NHSL1: variants seen among roughly 807,000 people sequenced by gnomAD.
NHSL1 encodes the protein NHS like 1, also known as NHS-like protein 1.
In NHSL1, 48 loss-of-function variants were observed where a neutral mutation model predicts 95.0. The ratio of observed to expected loss-of-function variants is 0.51; its 90% CI spans 0.40 to 0.64. The LOEUF is 0.64. Among genes scored for constraint, NHSL1 ranks in the 30% least tolerant of loss-of-function variants. The probability of loss-of-function intolerance (pLI) is 0.00; values close to 1 mark genes in which losing one functional copy is unlikely to be tolerated. For synonymous variants in NHSL1, 783 were observed against 833.9 expected, an observed-to-expected ratio of 0.94 and a Z score of 1.05; for missense variants, 1,971 against 2,077.7, an observed-to-expected ratio of 0.95 and a Z score of 1.00.
intron 1 of NHSL1, among the ~76,000 whole-genome samples, chr6:138,668,918 G>C (rs905693251): frequency 6.6e-6 from 1 of 152,080 alleles, no homozygotes; most frequent in Non-Finnish European, 1.5e-5. Context: ...CACCGTACCC[G>C]GCCCTAGAAA....
chr6:138,641,095 G>C (rs944952059), intron 1 of NHSL1, among the ~76,000 whole-genome samples: 1 of 152,286 alleles, frequency 6.6e-6, no homozygotes, highest in African/African-American at 2.4e-5. Flanking sequence ...GGCAGATCAC[G>C]AGTTTAAGAC....
At chr6:138,454,660 T>C (rs1452163045) in intron 3 of NHSL1, among the ~76,000 whole-genome samples, 4 of 152,244 alleles carry the variant, frequency 2.6e-5, no homozygotes, top group East Asian at 1.9e-4. Flanking sequence ...TAAATATGTA[T>C]AGATTATTTT....
intron 1 of NHSL1, among the ~76,000 whole-genome samples, chr6:138,553,545 C>T (rs905142415): frequency 1.3e-5 from 2 of 152,162 alleles, no homozygotes; most frequent in African/African-American, 4.8e-5. Context: ...ATGTTTGTTG[C>T]ACAGATATGT....
chr6:138,436,688 T>C (rs1776122137), intron 5 of NHSL1, among the ~76,000 whole-genome samples: 1 of 152,252 alleles, frequency 6.6e-6, no homozygotes. Context: ...TCTAGGACTT[T>C]CAAAGCTACA....
At position 138,559,871 on chromosome 6, in the gene NHSL1, T is replaced by C. The variant is rs144962359; in HGVS notation, c.202+11839A>G. ...TAAATCATTCCACAAAGCTATTCCA[T>C]GTACGCATGCCATGCATATATGCCA... On this transcript the variant is annotated intron_variant, in intron 1 of 6. Transcript: ENST00000427025. 5.2e-4 allele frequency among the ~76,000 whole-genome samples: 79 copies of C among 152,346 alleles called. 1 individual carries two copies. Among genetic ancestry groups the C allele is most frequent in the African/African-American group, 1.8e-3 (76 of 41,584 alleles).
At chr6:138,563,577 C>T (rs933347880) in intron 1 of NHSL1, among the ~76,000 whole-genome samples, 1 of 152,078 alleles carries the variant, frequency 6.6e-6, no homozygotes, top group African/African-American at 2.4e-5. Context: ...TACAATAGAT[C>T]GAATTTGTAG....
At chr6:138,675,849 A>T (rs1010069124) in intron 1 of NHSL1, among the ~76,000 whole-genome samples, 6 of 152,170 alleles carry the variant, frequency 3.9e-5, no homozygotes, top group African/African-American at 1.4e-4. Flanking sequence ...TTCTTACATG[A>T]TTATATCTCA....
At chr6:138,517,336 G>A (rs1257339260) in intron 1 of NHSL1, among the ~76,000 whole-genome samples, 1 of 152,162 alleles carries the variant, frequency 6.6e-6, no homozygotes, top group Non-Finnish European at 1.5e-5. Flanking sequence ...AGTAGGGTTT[G>A]CAGAAACTGG....
At position 138,447,105 on chromosome 6, in the gene NHSL1, G is replaced by A. The variant is rs1776912747; in HGVS notation, c.428C>T (p.Thr143Ile). The A allele has an allele frequency of 5.8e-6, 9 of 1,551,786 alleles. No homozygotes were observed. In the East Asian group the frequency reaches 1.7e-4, roughly 29 times the overall value. ...AAGCGACTTGGTCCAGTTCGTCTGA[G>A]TATTAAGGTCGGAGAAGTCACTTGA... is the stretch of plus-strand genomic sequence containing the variant. ...PASSDFSDLN[T>I]QTNWTKSLPL... is the part of the protein sequence containing the mutation. Residue 143 changes from threonine (T) to isoleucine (I), a missense_variant, in exon 4 of 8, where the codon ACT becomes ATT. Thr to Ile is a moderately conservative substitution (Grantham distance 89). This residue lies in a region of NHSL1 where 1,602 missense variants were observed against 1,654.5 expected (regional missense o/e 0.97). Coordinates refer to ENST00000343505, the MANE Select transcript of NHSL1 (RefSeq NM_001144060.2).
chr6:138,645,480 C>A (rs1201172569), intron 1 of NHSL1, among the ~76,000 whole-genome samples: 1 of 150,624 alleles, frequency 6.6e-6, no homozygotes, highest in Non-Finnish European at 1.5e-5. Context: ...ATAATATTGA[C>A]TTTTTGTTAT....
At chr6:138,506,861 C>T (rs894453253) in intron 1 of NHSL1, among the ~76,000 whole-genome samples, 1 of 152,036 alleles carries the variant, frequency 6.6e-6, no homozygotes, top group Non-Finnish European at 1.5e-5. Flanking sequence ...ATTAAAAAAA[C>T]TACTTAAGAT....
In NHSL1 at chr6:138,460,154, C is replaced by T. The variant is rs189837774; in HGVS notation, c.340-12961G>A. Among the ~76,000 whole-genome samples the T allele has an allele frequency of 3.5e-3, 530 of 152,134 alleles. 1 individual carries two copies. Among genetic ancestry groups the T allele is most frequent in the Non-Finnish European group, 5.7e-3 (388 of 67,980 alleles). Reference sequence around the variant, plus strand: ...CTCTTTAAAATCTTTGGTAGAAGACCGCCCCCACCCAACATACACAAGACC... The same window carrying T: ...CTCTTTAAAATCTTTGGTAGAAGACTGCCCCCACCCAACATACACAAGACC... On this transcript the variant is annotated intron_variant, in intron 3 of 7. Coordinates refer to ENST00000343505, the MANE Select transcript of NHSL1 (RefSeq NM_001144060.2).
intron 1 of NHSL1, among the ~76,000 whole-genome samples, chr6:138,560,650 G>A (rs1047168392): frequency 6.6e-6 from 1 of 152,186 alleles, no homozygotes; most frequent in Non-Finnish European, 1.5e-5. Context: ...CAGGCAAGAT[G>A]ATCACAGCAA....
At chr6:138,480,494 A>G (rs891250921) in intron 2 of NHSL1, among the ~76,000 whole-genome samples, 2 of 152,214 alleles carry the variant, frequency 1.3e-5, no homozygotes, top group Non-Finnish European at 2.9e-5. Flanking sequence ...CCAGTTCGGT[A>G]GGCCAGTTGT....
intron 1 of NHSL1, among the ~76,000 whole-genome samples, chr6:138,626,762 C>T (rs927012867): frequency 1.1e-4 from 13 of 115,552 alleles, no homozygotes; most frequent in Non-Finnish European, 6.9e-5. Context: ...GGCGTAGTGG[C>T]GGGCGCCTGT....
In NHSL1 at chr6:138,437,296, GTATATA is replaced by G. The variant is rs144143973; in HGVS notation, c.665-3622_665-3617del. 8.3e-4 allele frequency among the ~76,000 whole-genome samples: 80 copies of G among 95,978 alleles called. 1 individual carries two copies. Among genetic ancestry groups the G allele is most frequent in the East Asian group, 1.1e-3 (4 of 3,742 alleles). 63.0% of individuals were successfully genotyped at this position (95,978 alleles called of 152,430 possible). On this transcript the variant is annotated intron_variant, in intron 5 of 7. Transcript: ENST00000343505. ...TCTCAAAAAAAAAAAATACACAAAT[GTATATA>G]TATATATATATATATATACACACAC...
intron 1 of NHSL1, among the ~76,000 whole-genome samples, chr6:138,534,380 T>C (rs1439432294): frequency 2.0e-5 from 3 of 152,158 alleles, no homozygotes; most frequent in Non-Finnish European, 2.9e-5. Flanking sequence ...TCAGGTCCCA[T>C]AGAACGTGCA....
chr6:138,524,504 T>C (rs1321552324), intron 1 of NHSL1, among the ~76,000 whole-genome samples: 2 of 152,254 alleles, frequency 1.3e-5, no homozygotes, highest in African/African-American at 4.8e-5. Context: ...GTTTGTGAGA[T>C]TCATCTATGT....
At chr6:138,510,869 C>A (rs567655419) in intron 1 of NHSL1, among the ~76,000 whole-genome samples, 14 of 152,248 alleles carry the variant, frequency 9.2e-5, no homozygotes, top group African/African-American at 3.4e-4. Flanking sequence ...AATTCTAGTA[C>A]CCTGGTATTT....
Sources: allele counts gnomAD v4.1 joint callset (sites outside exome capture counted in the v4.1 genomes callset), GRCh38; gene constraint gnomAD v4.1.1; regional missense constraint gnomAD v4.1.1; transcripts MANE v1.5; gene names NCBI Gene and HGNC (gene_info 2026-07-23, HGNC 2026-07-21).